Variants in DGKI observed in about 807,000 individuals in gnomAD.
DGKI encodes diacylglycerol kinase iota.
In DGKI, 55 loss-of-function variants were observed where a neutral mutation model predicts 147.5. The observed-to-expected ratio is 0.37, with a 90% confidence interval of 0.30 to 0.47. The LOEUF is 0.47. DGKI is among the 20% of genes least tolerant of loss of function. The probability of loss-of-function intolerance (pLI) is 1.00; values close to 1 mark genes in which losing one functional copy is unlikely to be tolerated. For missense variants in DGKI, 1,007 were observed against 1,323.8 expected, an observed-to-expected ratio of 0.76 and a Z score of 3.71; for synonymous variants, 469 against 477.1, an observed-to-expected ratio of 0.98 and a Z score of 0.22.
At chr7:137,716,455 T>C (rs1184879353) in intron 1 of DGKI, among the ~76,000 whole-genome samples, 1 of 152,174 alleles carries the variant, frequency 6.6e-6, no homozygotes, top group Non-Finnish European at 1.5e-5. Flanking sequence ...TTTATACCAG[T>C]GACCAGAAGA....
intron 3 of DGKI, among the ~76,000 whole-genome samples, chr7:137,664,701 C>A (rs995431572): frequency 6.6e-6 from 1 of 152,104 alleles, no homozygotes; most frequent in African/African-American, 2.4e-5. Context: ...AGAAAACAGA[C>A]AGAACCAGGG....
intron 1 of DGKI, among the ~76,000 whole-genome samples, chr7:137,833,773 C>T (rs1798285713): frequency 6.6e-6 from 1 of 152,162 alleles, no homozygotes; most frequent in South Asian, 2.1e-4. Context: ...TGAGAGGAAG[C>T]CCCCTACAAC....
chr7:137,439,511 T>C (rs1190774022), intron 28 of DGKI, among the ~76,000 whole-genome samples: 4 of 152,146 alleles, frequency 2.6e-5, no homozygotes, highest in Non-Finnish European at 5.9e-5. Context: ...TCATGAGACT[T>C]ATTCACTATC....
chr7:137,563,959 G>T (rs1294924315), intron 19 of DGKI, among the ~76,000 whole-genome samples: 1 of 151,978 alleles, frequency 6.6e-6, no homozygotes, highest in Non-Finnish European at 1.5e-5. Flanking sequence ...AATGCCCAAA[G>T]ATCTAGAACA....
At chr7:137,648,950 G>A (rs185444456) in intron 5 of DGKI, among the ~76,000 whole-genome samples, 1 of 152,250 alleles carries the variant, frequency 6.6e-6, no homozygotes, top group African/African-American at 2.4e-5. Flanking sequence ...ACTAAGGCAT[G>A]GATTGATAAA....
intron 23 of DGKI, among the ~76,000 whole-genome samples, chr7:137,483,523 T>C (rs751653705): frequency 1.3e-4 from 20 of 152,102 alleles, no homozygotes; most frequent in Non-Finnish European, 2.6e-4. Context: ...CCATGGTGGT[T>C]TGCTGCACCC....
At position 137,472,362 on chromosome 7, in the gene DGKI, A is replaced by ACATATAATTATTATATGTATATATG. The variant is rs1563040300; in HGVS notation, c.2374-2744_2374-2743insCATATATACATATAATAATTATATG. ...ACATATAATTATTATATGTATATAT[A>ACATATAATTATTATATGTATATATG]CATATAATTATTATATGTATATATA... On this transcript the variant is annotated intron_variant, in intron 23 of 32. Coordinates refer to ENST00000614521, the MANE Select transcript of DGKI (RefSeq NM_001321708.2). Among the ~76,000 whole-genome samples the ACATATAATTATTATATGTATATATG allele has an allele frequency of 3.6e-4, 43 of 118,120 alleles. 1 individual carries two copies. Among genetic ancestry groups the ACATATAATTATTATATGTATATATG allele is most frequent in the African/African-American group, 1.7e-3 (43 of 25,306 alleles). 77.5% of individuals were successfully genotyped at this position (118,120 alleles called of 152,430 possible).
intron 4 of DGKI, among the ~76,000 whole-genome samples, chr7:137,655,906 G>C (rs1822200997): frequency 6.6e-6 from 1 of 152,126 alleles, no homozygotes; most frequent in Non-Finnish European, 1.5e-5. Flanking sequence ...CAAATAAATG[G>C]ACTTTGCCGA....
chr7:137,464,841 G>A (rs938172123), intron 26 of DGKI, among the ~76,000 whole-genome samples: 2 of 152,172 alleles, frequency 1.3e-5, no homozygotes, highest in Non-Finnish European at 2.9e-5. Context: ...TACACGATGT[G>A]CATTTACTAT....
At chr7:137,497,312 G>A (rs556206915) in intron 21 of DGKI, among the ~76,000 whole-genome samples, 1 of 152,112 alleles carries the variant, frequency 6.6e-6, no homozygotes. Context: ...TGAGGTTGTG[G>A]AGAAAACGGA....
At chr7:137,795,970 A>T (rs1378456740) in intron 1 of DGKI, among the ~76,000 whole-genome samples, 1 of 152,224 alleles carries the variant, frequency 6.6e-6, no homozygotes, top group Non-Finnish European at 1.5e-5. Context: ...ACATACAAAC[A>T]CACAGCATCA....
intron 1 of DGKI, among the ~76,000 whole-genome samples, chr7:137,788,508 G>C (rs1008403393): frequency 1.3e-5 from 2 of 152,010 alleles, no homozygotes; most frequent in Non-Finnish European, 2.9e-5. Flanking sequence ...TCTCCAGACT[G>C]TTCTTCTACC....
In DGKI at chr7:137,439,741, C is replaced by T. The variant is rs562326142; in HGVS notation, c.2761+4336G>A. ...GATTGTGGTTGTGACAATTTTATTTCCAAATAGCCATTACTGCAATTCATG... is the reference window on the plus strand; with the variant it reads ...GATTGTGGTTGTGACAATTTTATTTTCAAATAGCCATTACTGCAATTCATG... On this transcript the variant is annotated intron_variant, in intron 28 of 32. Coordinates refer to ENST00000614521, the MANE Select transcript of DGKI (RefSeq NM_001321708.2). Among the ~76,000 whole-genome samples the T allele has an allele frequency of 1.4e-4, 21 of 152,282 alleles. No individual in the cohort carries two copies. In the South Asian group the frequency reaches 3.9e-3, roughly 29 times the overall value.
intron 12 of DGKI, among the ~76,000 whole-genome samples, chr7:137,593,584 A>G (rs2128986483): frequency 6.6e-6 from 1 of 152,344 alleles, no homozygotes; most frequent in South Asian, 2.1e-4. Context: ...CCAACGCAGC[A>G]GCCATTGGCC....
rs1798743605 is a variant in DGKI at position 137,846,619 on chromosome 7, C to T, written c.244G>A (p.Gly82Ser). 8.3e-6 allele frequency: 9 copies of T among 1,084,558 alleles called. No individual in the cohort carries two copies. The highest frequency in any genetic ancestry group is 1.0e-5 in the Non-Finnish European group (9 of 899,552). The allele number at this position is 1,084,558 out of a possible 1,614,324, so 67.2% of individuals were successfully genotyped here. A position where few individuals can be genotyped will look rare whatever the true frequency, so the allele number is the denominator to read the frequency against. Residue 82 changes from glycine (G) to serine (S), a missense_variant, in exon 1 of 33, where the codon GGC becomes AGC. Physicochemically the swap from Gly to Ser is moderately conservative, Grantham distance 56. Coordinates refer to ENST00000614521, the MANE Select transcript of DGKI (RefSeq NM_001321708.2). This position sits in a 1 kb window ranked among gnomAD's most constrained non-coding sequence, Gnocchi z 4.0. ...CGCGGGTCCGCGCCGCCCTCGGCGC[C>T]CAGGCAGCAGCTCCCGGCGCCGCTT... ...SGSGAGSCCL[G>S]AEGGADPRGA... is the part of the protein sequence containing the mutation.
At chr7:137,437,658 G>A (rs1164486671) in intron 28 of DGKI, among the ~76,000 whole-genome samples, 1 of 151,836 alleles carries the variant, frequency 6.6e-6, no homozygotes, top group African/African-American at 2.4e-5. Context: ...TATGAAACAG[G>A]CAAAACTCAA....
At chr7:137,748,073 C>T (rs890856079) in intron 1 of DGKI, among the ~76,000 whole-genome samples, 2 of 152,086 alleles carry the variant, frequency 1.3e-5, no homozygotes, top group Admixed American at 6.5e-5. Flanking sequence ...GCTCTTCTGA[C>T]TCTAGTAAAT....
At chr7:137,399,379 C>G (rs1252651094) in intron 30 of DGKI, among the ~76,000 whole-genome samples, 3 of 152,134 alleles carry the variant, frequency 2.0e-5, no homozygotes, top group African/African-American at 7.2e-5. Flanking sequence ...GTTCCTTGGT[C>G]CTGTGATTCT....
chr7:137,840,956 C>A (rs1229930859), intron 1 of DGKI, among the ~76,000 whole-genome samples: 2 of 152,234 alleles, frequency 1.3e-5, no homozygotes, highest in East Asian at 3.8e-4. Flanking sequence ...ATGTAGGGCA[C>A]TATGCCATGT....
Sources: gnomAD v4.1 joint callset for allele counts (sites outside exome capture counted in the v4.1 genomes callset) on GRCh38, gnomAD v4.1.1 for gene constraint, Gnocchi (gnomAD v3.1) non-coding constraint, MANE v1.5 for transcripts, NCBI Gene and HGNC (gene_info 2026-07-23, HGNC 2026-07-21) for gene names.